Variants in SMAD6 observed in about 807,000 individuals in gnomAD.
The protein encoded by SMAD6 is SMAD family member 6.
Under a neutral mutation model 39.4 loss-of-function variants are expected in SMAD6, and 103 were observed. That is an observed-to-expected ratio of 2.62 (90% confidence interval 2.23 to 3.08). The LOEUF (loss-of-function observed/expected upper bound fraction) is 3.08, where lower values mean the gene tolerates loss of function less well. Ranked by LOEUF, SMAD6 falls within the 30% of genes most tolerant of loss-of-function variation. SMAD6 has a pLI of 0.00. For synonymous variants in SMAD6, 445 were observed against 353.3 expected, an observed-to-expected ratio of 1.26 and a Z score of -2.91; for missense variants, 1,104 against 742.9, an observed-to-expected ratio of 1.49 and a Z score of -5.65.
intron 1 of SMAD6, among the ~76,000 whole-genome samples, chr15:66,709,293 C>T (rs1893181665): frequency 6.6e-6 from 1 of 152,216 alleles, no homozygotes; most frequent in African/African-American, 2.4e-5. Context: ...TGTAGTGCTC[C>T]ACTAGCTGGC....
intron 3 of SMAD6, among the ~76,000 whole-genome samples, chr15:66,724,491 T>G (rs1391634729): frequency 6.6e-6 from 1 of 152,170 alleles, no homozygotes; most frequent in Non-Finnish European, 1.5e-5. Context: ...AGGTAGCCAC[T>G]TTTATTAGCC....
chr15:66,718,440 G>C (rs747227247), intron 3 of SMAD6, among the ~76,000 whole-genome samples: 54 of 152,296 alleles, frequency 3.5e-4, no homozygotes, highest in Admixed American at 5.9e-4. Flanking sequence ...ACTCATGACT[G>C]TGCAAAAGGA....
intron 3 of SMAD6, among the ~76,000 whole-genome samples, chr15:66,756,517 T>C (rs1269671830): frequency 6.6e-6 from 1 of 152,234 alleles, no homozygotes; most frequent in African/African-American, 2.4e-5. Flanking sequence ...GTTTCAGGAT[T>C]CTAGTTCAGC....
At position 66,781,362 on chromosome 15, in the gene SMAD6, G is replaced by A. The variant is rs924329960; in HGVS notation, c.1318G>A (p.Asp440Asn). ...VPPGYSIKVF[D>N]FERSGLQHAP... ...CCCCGGCTACTCCATCAAGGTGTTC[G>A]ACTTCGAGCGCTCGGGCCTGCAGCA... The change falls in exon 4 of 4, where the codon GAC becomes AAC. Residue 440 changes from aspartate to asparagine, a missense_variant. By Grantham distance (23) the Asp-to-Asn change is conservative. Transcript: ENST00000288840. 21 of 1,599,656 alleles carry A rather than the reference G, an allele frequency of 1.3e-5. No individual in the cohort carries two copies. Among genetic ancestry groups the A allele is most frequent in the East Asian group, 2.2e-5 (1 of 44,692 alleles).
intron 3 of SMAD6, among the ~76,000 whole-genome samples, chr15:66,733,744 G>A (rs1246733959): frequency 6.6e-6 from 1 of 152,200 alleles, no homozygotes; most frequent in Non-Finnish European, 1.5e-5. Context: ...AGAAACAAAT[G>A]TGACACTTTG....
intron 3 of SMAD6, chr15:66,717,175 C>T: frequency 2.3e-6 from 3 of 1,282,402 alleles, no homozygotes; most frequent in Non-Finnish European, 3.1e-6. Flanking sequence ...AGGGCCAGGA[C>T]CAAGGTCTGT....
At chr15:66,704,744 T>C (rs1893072385) in intron 1 of SMAD6, 1 of 152,212 alleles carries the variant, frequency 6.6e-6, no homozygotes, top group African/African-American at 2.4e-5. Flanking sequence ...GTGTTCAGCT[T>C]TTGTATAGAG....
At chr15:66,748,341 G>C (rs1057218013) in intron 3 of SMAD6, among the ~76,000 whole-genome samples, 1 of 152,110 alleles carries the variant, frequency 6.6e-6, no homozygotes, top group Non-Finnish European at 1.5e-5. Flanking sequence ...ATGCTAAATG[G>C]AAAGTAAGCC....
At chr15:66,715,678 T>C (rs978706472) in intron 2 of SMAD6, among the ~76,000 whole-genome samples, 1 of 150,452 alleles carries the variant, frequency 6.6e-6, no homozygotes, top group Admixed American at 6.6e-5. Flanking sequence ...CTATAGAAAA[T>C]GTGCAAAAGA....
At chr15:66,778,755 C>T (rs920348913) in intron 3 of SMAD6, among the ~76,000 whole-genome samples, 1 of 152,184 alleles carries the variant, frequency 6.6e-6, no homozygotes, top group South Asian at 2.1e-4. Context: ...TGTGGCCTAG[C>T]ACCAAGGCGG....
intron 3 of SMAD6, among the ~76,000 whole-genome samples, chr15:66,742,393 C>T (rs972206576): frequency 3.3e-5 from 5 of 152,210 alleles, no homozygotes; most frequent in Middle Eastern, 3.4e-3. Flanking sequence ...AGTCTTAGGG[C>T]GCGGGAACAA....
rs1301888115 is a variant in SMAD6 at position 66,702,909 on chromosome 15, G to A, written c.-350G>A. On this transcript the variant is annotated 5_prime_UTR_variant, in exon 1 of 4. Coordinates refer to ENST00000288840, the MANE Select transcript of SMAD6 (RefSeq NM_005585.5). ...TGGACCAGCCGCACAACTTTTGAAG[G>A]CTCGCCGGCCCATGTGGGGTCTTTC... 4 of 211,110 alleles carry A rather than the reference G, an allele frequency of 1.9e-5. No individual in the cohort carries two copies. The highest frequency in any genetic ancestry group is 3.7e-5 in the Non-Finnish European group (4 of 107,038). 13.1% of individuals were successfully genotyped at this position (211,110 alleles called of 1,614,324 possible).
chr15:66,743,966 A>C (rs1893860931), intron 3 of SMAD6, among the ~76,000 whole-genome samples: 1 of 152,044 alleles, frequency 6.6e-6, no homozygotes, highest in Non-Finnish European at 1.5e-5. Flanking sequence ...TTTTTAAAAG[A>C]AACTATCATA....
chr15:66,735,397 A>T (rs1893696184), intron 3 of SMAD6, among the ~76,000 whole-genome samples: 1 of 152,346 alleles, frequency 6.6e-6, no homozygotes, highest in South Asian at 2.1e-4. Flanking sequence ...GAGATGCATC[A>T]TGAAGGATGT....
At chr15:66,706,311 CCTT>C (rs1013414906) in intron 1 of SMAD6, 2 of 152,380 alleles carry the variant, frequency 1.3e-5, no homozygotes, top group African/African-American at 2.4e-5. Flanking sequence ...TGATTCCCCT[CCTT>C]CTCCCAGAAG....
chr15:66,729,041 G>T (rs1199588851), intron 3 of SMAD6, among the ~76,000 whole-genome samples: 1 of 152,220 alleles, frequency 6.6e-6, no homozygotes, highest in Non-Finnish European at 1.5e-5. Flanking sequence ...CTCTAGAGGG[G>T]ATTTGGTTCA....
chr15:66,727,532 G>A (rs899929885), intron 3 of SMAD6, among the ~76,000 whole-genome samples: 6 of 152,190 alleles, frequency 3.9e-5, no homozygotes, highest in African/African-American at 1.4e-4. Flanking sequence ...TTAGGAAACT[G>A]TTGGGCAAAG....
rs572088893 is a variant in SMAD6 at position 66,726,063 on chromosome 15, T to A, written c.952+9565T>A. ...GCAAACCACACATCCACTCTGGACCTCAGGTTTGGCCCCTGAGGAGGCTAC... is the reference window on the plus strand; with the variant it reads ...GCAAACCACACATCCACTCTGGACCACAGGTTTGGCCCCTGAGGAGGCTAC... On this transcript the variant is annotated intron_variant, in intron 3 of 3. Coordinates refer to ENST00000288840, the MANE Select transcript of SMAD6 (RefSeq NM_005585.5). Among the ~76,000 whole-genome samples the A allele has an allele frequency of 3.2e-3, 486 of 152,278 alleles. 4 individuals carry two copies. The highest frequency in any genetic ancestry group is 6.1e-3 in the Non-Finnish European group (412 of 68,008).
chr15:66,703,092 C>A lies in SMAD6; in HGVS notation c.-167C>A. 2.2e-6 allele frequency: 1 copy of A among 455,866 alleles called. No individual in the cohort carries two copies. Among genetic ancestry groups the A allele is most frequent in the Non-Finnish European group, 3.8e-6 (1 of 262,522 alleles). The allele number at this position is 455,866 out of a possible 1,614,324, so 28.2% of individuals were successfully genotyped here. On this transcript the variant is annotated 5_prime_UTR_variant, in exon 1 of 4. It introduces an in-frame stop codon into an upstream open reading frame of the 5' UTR. Transcript: ENST00000288840. ...GCCTCGGCGAGCTCCCTCATGTTGTCGCCCTGCGGCGCCCCTTCGACGACA... is the reference window on the plus strand; with the variant it reads ...GCCTCGGCGAGCTCCCTCATGTTGTAGCCCTGCGGCGCCCCTTCGACGACA...
Sources: gnomAD v4.1 joint callset for allele counts (sites outside exome capture counted in the v4.1 genomes callset) on GRCh38, gnomAD v4.1.1 for gene constraint, MANE v1.5 for transcripts, NCBI Gene and HGNC (gene_info 2026-07-23, HGNC 2026-07-21) for gene names.